Variants in CREB1 observed in about 807,000 individuals in gnomAD.
CREB1 encodes cyclic AMP-responsive element-binding protein 1.
In CREB1, 2 loss-of-function variants were observed where a neutral mutation model predicts 42.0. That is an observed-to-expected ratio of 0.05 (90% confidence interval 0.02 to 0.15). The LOEUF is 0.15. Ranked by LOEUF, CREB1 falls within the 10% of genes least tolerant of loss-of-function variation. The pLI is 1.00. For synonymous variants in CREB1, 123 were observed against 139.9 expected, an observed-to-expected ratio of 0.88 and a Z score of 0.85; for missense variants, 199 against 388.9, an observed-to-expected ratio of 0.51 and a Z score of 4.11.
At chr2:207,564,627 T>C (rs6740584) in intron 3 of CREB1, among the ~76,000 whole-genome samples, 57,734 of 152,080 alleles carry the variant, frequency 0.38, 12,850 homozygotes, top group East Asian at 0.64. Context: ...CATCGAATAT[T>C]ACCATTGTTT....
intron 2 of CREB1, 142 bp from the exon 3 acceptor site, chr2:207,560,084 T>G (rs1048530306): frequency 4.6e-6 from 3 of 654,492 alleles, no homozygotes; most frequent in Non-Finnish European, 7.3e-6. Context: ...AATATTAAAT[T>G]TAGTCATTAC....
At chr2:207,538,003 T>C (rs2106352968) in intron 1 of CREB1, among the ~76,000 whole-genome samples, 1 of 152,354 alleles carries the variant, frequency 6.6e-6, no homozygotes, top group South Asian at 2.1e-4. Flanking sequence ...ATATACACAT[T>C]ATACACATAG....
chr2:207,545,155 G>C (rs1346579684), intron 1 of CREB1, among the ~76,000 whole-genome samples: 1 of 152,086 alleles, frequency 6.6e-6, no homozygotes, highest in Non-Finnish European at 1.5e-5. Flanking sequence ...CTTCCACAAT[G>C]GTTGAACTAA....
At position 207,598,923 on chromosome 2, in the gene CREB1, A is replaced by C. The variant is rs1487951098; in HGVS notation, c.*1865A>C. On this transcript the variant is annotated 3_prime_UTR_variant, in exon 8 of 8. Coordinates refer to ENST00000353267, the MANE Select transcript of CREB1 (RefSeq NM_004379.5). ...GAGACACTTAGAAAACTAATGTTTT[A>C]TATTTAGTCAAGAGTTATTTAAGAA... is the stretch of plus-strand genomic sequence containing the variant. 1.7e-5 allele frequency: 3 copies of C among 181,354 alleles called. No homozygotes were observed. The highest frequency in any genetic ancestry group is 3.5e-5 in the Non-Finnish European group (3 of 85,058). 11.2% of individuals were successfully genotyped at this position (181,354 alleles called of 1,614,324 possible).
At chr2:207,573,054 G>A (rs2082433668) in intron 5 of CREB1, among the ~76,000 whole-genome samples, 1 of 152,104 alleles carries the variant, frequency 6.6e-6, no homozygotes, top group African/African-American at 2.4e-5. Flanking sequence ...TTTTGTTTCA[G>A]TAAATAAAAC....
intron 1 of CREB1, among the ~76,000 whole-genome samples, chr2:207,546,830 A>G (rs1382668436): frequency 2.6e-5 from 4 of 152,128 alleles, no homozygotes; most frequent in African/African-American, 9.7e-5. Context: ...AACCATGGTC[A>G]GTTTTTAAAT....
In CREB1 at chr2:207,601,915, G is replaced by A. The variant is rs1250408038; in HGVS notation, c.*4857G>A. On this transcript the variant is annotated 3_prime_UTR_variant, in exon 8 of 8. Transcript: ENST00000353267. ...TTAATGTAATAATGTTGACTATTAAGTTGGCTACACAGTCACTGTATGTAC... is the reference window on the plus strand; with the variant it reads ...TTAATGTAATAATGTTGACTATTAAATTGGCTACACAGTCACTGTATGTAC... The A allele has an allele frequency of 9.4e-6, 2 of 212,690 alleles. No individual in the cohort carries two copies. Among genetic ancestry groups the A allele is most frequent in the Non-Finnish European group, 1.9e-5 (2 of 105,134 alleles). The allele number at this position is 212,690 out of a possible 1,614,324, so 13.2% of individuals were successfully genotyped here.
Position 207,604,306 on chromosome 2 carries a change from TC to T in CREB1, c.*7249del, listed in dbSNP as rs1449680063. Among the ~76,000 whole-genome samples the T allele has an allele frequency of 1.3e-5, 2 of 152,202 alleles. No individual in the cohort carries two copies. Among genetic ancestry groups the T allele is most frequent in the Non-Finnish European group, 2.9e-5 (2 of 68,036 alleles). ...AAGACTTAACATATGTCTTTTACAC[TC>T]AGGTTGCAAAACACAGGCCCAAGAC... On this transcript the variant is annotated 3_prime_UTR_variant, in exon 8 of 8. Coordinates refer to ENST00000353267, the MANE Select transcript of CREB1 (RefSeq NM_004379.5).
Position 207,605,593 on chromosome 2 carries a change from CTG to C in CREB1, c.*8538_*8539del, listed in dbSNP as rs2087951585. 1.3e-5 allele frequency among the ~76,000 whole-genome samples: 2 copies of C among 152,218 alleles called. No homozygotes were observed. The highest frequency in any genetic ancestry group is 2.1e-4 in the South Asian group (1 of 4,832). On this transcript the variant is annotated 3_prime_UTR_variant, in exon 8 of 8. Coordinates refer to ENST00000353267, the MANE Select transcript of CREB1 (RefSeq NM_004379.5). ...TTTGTGTTATGTTTTTTGTGACAGTCTGTGCATATATACACAAATATAATGTA... is the reference window on the plus strand; with the variant it reads ...TTTGTGTTATGTTTTTTGTGACAGTCTGCATATATACACAAATATAATGTA...
chr2:207,550,359 T>C (rs977447214), intron 1 of CREB1: 6 of 149,292 alleles, frequency 4.0e-5, no homozygotes, highest in Non-Finnish European at 5.9e-5. Flanking sequence ...TTTTAAACCA[T>C]AGCATGTGTT....
chr2:207,604,948 A>G lies in CREB1; in HGVS notation c.*7890A>G, dbSNP rs1440742186. 6.6e-6 allele frequency among the ~76,000 whole-genome samples: 1 copy of G among 152,204 alleles called. No homozygotes were observed. Among genetic ancestry groups the G allele is most frequent in the Admixed American group, 6.5e-5 (1 of 15,280 alleles). Reference sequence around the variant, plus strand: ...GTATACTTTTTATAGTAAGTATGCCATTGTAGATATATACCACAAGTTTAT... The same window carrying G: ...GTATACTTTTTATAGTAAGTATGCCGTTGTAGATATATACCACAAGTTTAT... On this transcript the variant is annotated 3_prime_UTR_variant, in exon 8 of 8. Transcript: ENST00000353267.
At chr2:207,577,236 T>A in intron 6 of CREB1, 1 of 1,095,410 alleles carries the variant, frequency 9.1e-7, no homozygotes, top group Non-Finnish European at 1.2e-6. Context: ...TTGGTAAGCA[T>A]GTTAACAACA....
intron 1 of CREB1, among the ~76,000 whole-genome samples, chr2:207,548,766 TC>T (rs537288630): frequency 4.6e-5 from 7 of 151,764 alleles, no homozygotes; most frequent in Non-Finnish European, 2.9e-5. Flanking sequence ...CCTCCCCCGC[TC>T]CCCCCCAAAA....
At chr2:207,571,770 A>G (rs907930644) in intron 5 of CREB1, 8 of 454,558 alleles carry the variant, frequency 1.8e-5, no homozygotes, top group Non-Finnish European at 3.5e-5. Flanking sequence ...TGTCAGTAAC[A>G]GATTCACTGT....
At chr2:207,534,280 A>G (rs548619510) in intron 1 of CREB1, among the ~76,000 whole-genome samples, 1 of 152,324 alleles carries the variant, frequency 6.6e-6, no homozygotes, top group Non-Finnish European at 1.5e-5. Context: ...TCTGTTGCCC[A>G]GGATGGTGTG....
chr2:207,564,961 G>A (rs1384620394), intron 3 of CREB1, among the ~76,000 whole-genome samples: 2 of 151,778 alleles, frequency 1.3e-5, no homozygotes, highest in Admixed American at 1.3e-4. Context: ...TTTTTCATAT[G>A]ATGTTTTTAT....
chr2:207,567,199 T>C (rs1165273701), intron 3 of CREB1, among the ~76,000 whole-genome samples: 1 of 152,102 alleles, frequency 6.6e-6, no homozygotes, highest in East Asian at 1.9e-4. Flanking sequence ...AACTGATAAG[T>C]AATACTGATG....
At chr2:207,557,614 C>T (rs1210935476) in intron 2 of CREB1, among the ~76,000 whole-genome samples, 1 of 151,942 alleles carries the variant, frequency 6.6e-6, no homozygotes, top group Non-Finnish European at 1.5e-5. Flanking sequence ...CCCGAGACCG[C>T]ACCACTGCAC....
At position 207,548,991 on chromosome 2, in the gene CREB1, G is replaced by A. The variant is rs562965465; in HGVS notation, c.-8-6637G>A. 5.3e-5 allele frequency among the ~76,000 whole-genome samples: 8 copies of A among 152,274 alleles called. No individual in the cohort carries two copies. The South Asian group carries it at 6.2e-4, about 12-fold the overall frequency. On this transcript the variant is annotated intron_variant, in intron 1 of 7. Transcript: ENST00000353267. Reference sequence around the variant, plus strand: ...TTGCTTTGTAATATCTAGATTGGAGGCTGAAATAAGGATTTGTTCTCTGTT... The same window carrying A: ...TTGCTTTGTAATATCTAGATTGGAGACTGAAATAAGGATTTGTTCTCTGTT...
Sources: gnomAD v4.1 joint callset for allele counts (sites outside exome capture counted in the v4.1 genomes callset) on GRCh38, gnomAD v4.1.1 for gene constraint, MANE v1.5 for transcripts, NCBI Gene and HGNC (gene_info 2026-07-23, HGNC 2026-07-21) for gene names.